Variants in TENM1 observed in about 807,000 individuals in gnomAD.
TENM1 encodes teneurin transmembrane protein 1.
A neutral mutation model predicts 174.8 loss-of-function variants in TENM1; 35 were observed. The observed-to-expected ratio is 0.20, with a 90% CI of 0.15 to 0.27. The LOEUF is 0.27. Among genes scored for constraint, TENM1 ranks in the 10% least tolerant of loss-of-function variants. The probability of loss-of-function intolerance (pLI) is 1.00; values close to 1 mark genes in which losing one functional copy is unlikely to be tolerated. For missense variants in TENM1, 1,633 were observed against 2,130.1 expected (o/e 0.77, Z 4.59); for synonymous variants, 781 against 798.7 (o/e 0.98, Z 0.37).
the TENM1 span, among the ~76,000 whole-genome samples, chrX:125,074,953 T>G: frequency 8.9e-6 from 1 of 112,203 alleles, no homozygotes; most frequent in East Asian, 2.8e-4. Context: ...CTTAACACTT[T>G]GAATCCATTA....
intron 3 of TENM1, among the ~76,000 whole-genome samples, chrX:124,743,265 T>G (rs960901791): frequency 1.2e-4 from 14 of 112,173 alleles, no homozygotes; most frequent in Middle Eastern, 4.6e-3. Flanking sequence ...ATACAGTTTA[T>G]CACTTTTCTG....
intron 1 of TENM1, among the ~76,000 whole-genome samples, chrX:124,902,145 T>G (rs2057674228): frequency 8.9e-6 from 1 of 112,210 alleles, no homozygotes; most frequent in South Asian, 3.7e-4. Context: ...TGTTCTAAAA[T>G]TCTATAATTA....
At chrX:124,516,490 TAAAC>T (rs1349484149) in intron 18 of TENM1, among the ~76,000 whole-genome samples, 6 of 111,813 alleles carry the variant, frequency 5.4e-5, no homozygotes, top group Admixed American at 9.5e-5. Context: ...ATAAGGAACT[TAAAC>T]AAATTAATAA....
chrX:124,636,258 G>A (rs769302554), intron 11 of TENM1, among the ~76,000 whole-genome samples: 3 of 112,042 alleles, frequency 2.7e-5, no homozygotes, highest in Admixed American at 9.4e-5. Flanking sequence ...AGATCATCTC[G>A]ATGGTTAAAT....
chrX:124,819,629 GT>G (rs1332755222), intron 3 of TENM1, among the ~76,000 whole-genome samples: 1 of 111,008 alleles, frequency 9.0e-6, no homozygotes, highest in Non-Finnish European at 1.9e-5. Context: ...GGGGGAAACT[GT>G]TTCTGGCCTA....
chrX:124,794,619 C>T (rs780462090), intron 3 of TENM1, among the ~76,000 whole-genome samples: 1 of 111,039 alleles, frequency 9.0e-6, no homozygotes, highest in African/African-American at 3.3e-5. Flanking sequence ...CCCCCGCCAA[C>T]CTATTTACTG....
intron 23 of TENM1, among the ~76,000 whole-genome samples, chrX:124,433,663 G>C (rs933554932): frequency 2.3e-4 from 26 of 111,604 alleles, no homozygotes; most frequent in African/African-American, 8.1e-4. Flanking sequence ...AATGTTTTTG[G>C]TCCATGAAAG....
At chrX:124,751,772 G>A (rs1472049148) in intron 3 of TENM1, among the ~76,000 whole-genome samples, 2 of 106,709 alleles carry the variant, frequency 1.9e-5, no homozygotes, top group Non-Finnish European at 3.9e-5. Flanking sequence ...ATAGTTTACT[G>A]AGAATGATGA....
chrX:124,536,494 C>A (rs2048209320), intron 15 of TENM1, among the ~76,000 whole-genome samples: 2 of 111,083 alleles, frequency 1.8e-5, no homozygotes, highest in Admixed American at 9.6e-5. Context: ...AATTATTTTC[C>A]TCATGGCTAG....
chrX:124,641,990 C>A, exon 11 of TENM1: 1 of 1,208,752 alleles, frequency 8.3e-7, no homozygotes, highest in African/African-American at 1.7e-5. Context: ...CTAGGCAGTC[C>A]TCTGAAGGCA....
intron 3 of TENM1, among the ~76,000 whole-genome samples, chrX:124,787,500 T>A (rs1024943862): frequency 2.7e-5 from 3 of 111,254 alleles, no homozygotes; most frequent in Non-Finnish European, 3.8e-5. Flanking sequence ...GTAGGTGATA[T>A]CCATTGCTTA....
intron 5 of TENM1, among the ~76,000 whole-genome samples, chrX:124,677,129 A>T (rs186473206): frequency 9.0e-6 from 1 of 111,385 alleles, no homozygotes; most frequent in Admixed American, 9.5e-5. Context: ...TATTTAAATT[A>T]ATTTCACCTG....
chrX:124,399,085 C>G (rs964487439), intron 27 of TENM1, among the ~76,000 whole-genome samples: 17 of 111,979 alleles, frequency 1.5e-4, no homozygotes, highest in Non-Finnish European at 1.1e-4. Flanking sequence ...CCAAGACACT[C>G]CCTTTACTTT....
rs184963236 is a variant in TENM1, at chrX:124,670,126, T to C, written c.1168+1557A>G. 1.4e-4 allele frequency among the ~76,000 whole-genome samples: 16 copies of C among 112,116 alleles called. No individual in the cohort carries two copies. In the Admixed American group the frequency reaches 1.5e-3, roughly 11 times the overall value. Reference sequence around the variant, plus strand: ...TGGAACAATTCTTGACACGTGGTAATTTTAATTTAATTTTAGCCATCATCA... The same window carrying C: ...TGGAACAATTCTTGACACGTGGTAACTTTAATTTAATTTTAGCCATCATCA... On this transcript the variant is annotated intron_variant, in intron 6 of 31. Transcript: ENST00000422452.
chrX:125,088,238 A>C, the TENM1 span, among the ~76,000 whole-genome samples: 1 of 111,689 alleles, frequency 9.0e-6, no homozygotes, highest in Admixed American at 9.5e-5. Flanking sequence ...TAAAACACCT[A>C]ATCAGTACTG....
chrX:124,737,335 A>G, intron 3 of TENM1, 138 bp from the exon 7 acceptor site: 1 of 651,108 alleles, frequency 1.5e-6, no homozygotes, highest in Non-Finnish European at 2.2e-6. Context: ...AGTTCAGTCT[A>G]TCTGTAAAAA....
At chrX:124,667,296 T>TA (rs2051792404) in intron 6 of TENM1, among the ~76,000 whole-genome samples, 1 of 111,444 alleles carries the variant, frequency 9.0e-6, no homozygotes, top group Admixed American at 9.6e-5. Context: ...GTTTACTGGT[T>TA]AAATAGTTAT....
chrX:124,406,211 C>A, intron 26 of TENM1, 106 bp downstream of exon 29: 1 of 625,614 alleles, frequency 1.6e-6, no homozygotes, highest in East Asian at 3.4e-5. Flanking sequence ...AAGAGTACAT[C>A]TTCTCAGCTA....
chrX:125,021,359 GT>G, the TENM1 span, among the ~76,000 whole-genome samples: 1 of 110,285 alleles, frequency 9.1e-6, no homozygotes, highest in African/African-American at 3.3e-5. Context: ...TATACCTGCA[GT>G]TTTCTATGAA....
Sources: gnomAD v4.1 joint callset for allele counts (sites outside exome capture counted in the v4.1 genomes callset) on GRCh38, gnomAD v4.1.1 for gene constraint, MANE v1.5 for transcripts, NCBI Gene and HGNC (gene_info 2026-07-23, HGNC 2026-07-21) for gene names.